Variants in PADI3 observed in about 807,000 individuals in gnomAD.
PADI3 encodes the protein peptidyl arginine deiminase 3, also known as protein-arginine deiminase type-3.
In PADI3, 53 loss-of-function variants were observed where a neutral mutation model predicts 71.5. The observed-to-expected ratio is 0.74, with a 90% CI of 0.59 to 0.93. The LOEUF is 0.93. Ranked by LOEUF, PADI3 falls within the 40% of genes least tolerant of loss-of-function variation. The pLI is 0.00. For synonymous variants in PADI3, 361 were observed against 347.5 expected (o/e 1.04, Z -0.43); for missense variants, 821 against 868.0 (o/e 0.95, Z 0.68).
In PADI3 at chr1:17,282,922, TGGA is replaced by T. The variant is rs767320247; in HGVS notation, c.1843_1845del (p.Glu615del). The T allele has an allele frequency of 1.4e-5, 22 of 1,614,006 alleles. No individual in the cohort carries two copies. The highest frequency in any genetic ancestry group is 6.7e-5 in the Admixed American group (4 of 59,998). On this transcript the variant is annotated inframe_deletion, in exon 16 of 16. Coordinates refer to ENST00000375460, the MANE Select transcript of PADI3 (RefSeq NM_016233.2). The stretch of plus-strand genomic sequence containing the variant: ...CCCATCATCAATGGCTGCTGCTGCC[TGGA>T]GGAGAAGGTGCGGTCCCTGCTGGAG...
Position 17,274,660 on chromosome 1 carries a change from G to C in PADI3, c.1181G>C (p.Arg394Pro), listed in dbSNP as rs143899778. 6.2e-7 allele frequency: 1 copy of C among 1,612,820 alleles called. No individual in the cohort carries two copies. The highest frequency in any genetic ancestry group is 8.5e-7 in the Non-Finnish European group (1 of 1,179,390). Reference protein sequence around the residue: ...ILGPDFGYVTREPRDRSVSGL... With the variant: ...ILGPDFGYVTPEPRDRSVSGL... ...GGTCCAGATTTTGGTTACGTGACTC[G>C]GGAACCACGCGACAGGTCTGTGAGT... is the stretch of plus-strand genomic sequence containing the variant. The change falls in exon 11 of 16, where the codon CGG becomes CCG. Residue 394 changes from arginine (R) to proline (P), a missense_variant. Coordinates refer to ENST00000375460, the MANE Select transcript of PADI3 (RefSeq NM_016233.2).
At position 17,271,140 on chromosome 1, in the gene PADI3, T is replaced by A. The variant is rs1452441153; in HGVS notation, c.1009T>A (p.Cys337Ser). ...ARKAGCKLTICPQAENRNDRW... is the reference protein window; with the variant it reads ...ARKAGCKLTISPQAENRNDRW... ...GAAGGCCGGCTGCAAGCTGACCATC[T>A]GCCCACAGGCCGAGAACCGCAACGA... Residue 337 changes from cysteine to serine, a missense_variant, in exon 9 of 16, where the codon TGC (cysteine) becomes AGC (serine). By Grantham distance (112) the Cys-to-Ser change is moderately radical (BLOSUM62 -1). Coordinates refer to ENST00000375460, the MANE Select transcript of PADI3 (RefSeq NM_016233.2). The A allele has an allele frequency of 6.2e-7, 1 of 1,613,626 alleles. No homozygotes were observed. Among genetic ancestry groups the A allele is most frequent in the African/African-American group, 1.3e-5 (1 of 74,940 alleles).
chr1:17,280,663 G>A lies in PADI3; in HGVS notation c.1636-8G>A. 2 of 1,614,092 alleles carry A rather than the reference G, an allele frequency of 1.2e-6. No homozygotes were observed. Among genetic ancestry groups the A allele is most frequent in the Non-Finnish European group, 1.7e-6 (2 of 1,179,996 alleles). ...GTGTCCCCAACTCTGGCCCTCCCCTGCCCCCAGAGCTGCATCGACTGGAAC... is the reference window on the plus strand; with the variant it reads ...GTGTCCCCAACTCTGGCCCTCCCCTACCCCCAGAGCTGCATCGACTGGAAC... On this transcript the variant is annotated splice_polypyrimidine_tract_variant and splice_region_variant and intron_variant, in intron 14 of 15. Transcript: ENST00000375460.
intron 13 of PADI3, among the ~76,000 whole-genome samples, chr1:17,278,845 CA>C (rs1295855098): frequency 6.6e-6 from 1 of 152,122 alleles, no homozygotes; most frequent in African/African-American, 2.4e-5. Flanking sequence ...TAGACGCCCC[CA>C]AGTATAATAA....
intron 1 of PADI3, 114 bp downstream of exon 1, chr1:17,249,343 G>A: frequency 1.2e-6 from 1 of 825,170 alleles, no homozygotes; most frequent in Non-Finnish European, 2.1e-6. Flanking sequence ...CTTGGCCTCG[G>A]AACAGCAGCC....
At chr1:17,278,451 A>G (rs2073361701) in intron 13 of PADI3, among the ~76,000 whole-genome samples, 1 of 151,540 alleles carries the variant, frequency 6.6e-6, no homozygotes, top group East Asian at 1.9e-4. Flanking sequence ...CTGGTCTTGA[A>G]CTCCTGAGCT....
chr1:17,269,935 T>C (rs545946133), intron 6 of PADI3, among the ~76,000 whole-genome samples: 2 of 152,140 alleles, frequency 1.3e-5, no homozygotes, highest in African/African-American at 2.4e-5. Context: ...TGTATTTTTG[T>C]AGGAAAGATA....
intron 15 of PADI3, 71 bp downstream of exon 15, chr1:17,280,867 T>G: frequency 6.4e-7 from 1 of 1,569,814 alleles, no homozygotes; most frequent in Non-Finnish European, 8.7e-7. Context: ...AGGAAAAATG[T>G]CTGGTCACAG....
At chr1:17,277,834 C>T (rs1352017037) in intron 13 of PADI3, 1 of 154,546 alleles carries the variant, frequency 6.5e-6, no homozygotes, top group African/African-American at 2.4e-5. Flanking sequence ...AGTGTCTCAC[C>T]CAGGCTTGCT....
chr1:17,269,027 A>G (rs1252159322), intron 6 of PADI3, among the ~76,000 whole-genome samples: 1 of 151,544 alleles, frequency 6.6e-6, no homozygotes, highest in African/African-American at 2.4e-5. Flanking sequence ...CTGGGACTAC[A>G]GGCATGTACC....
intron 1 of PADI3, 96 bp downstream of exon 1, chr1:17,249,325 TCC>T: frequency 1.0e-6 from 1 of 1,001,418 alleles, no homozygotes; most frequent in Non-Finnish European, 1.6e-6. Context: ...CAGGGCCCAC[TCC>T]CCAGCCTTGG....
In PADI3 at chr1:17,274,620, G is replaced by T; in HGVS notation, c.1156-15G>T. Reference sequence around the variant, plus strand: ...GGTACCCTCCACCCCCGCCTGACTTGGTTTCCCTCTCCAGGGTCCAGATTT... The same window carrying T: ...GGTACCCTCCACCCCCGCCTGACTTTGTTTCCCTCTCCAGGGTCCAGATTT... On this transcript the variant is annotated splice_polypyrimidine_tract_variant and intron_variant, in intron 10 of 15. Coordinates refer to ENST00000375460, the MANE Select transcript of PADI3 (RefSeq NM_016233.2). 2 of 1,603,728 alleles carry T rather than the reference G, an allele frequency of 1.2e-6. No homozygotes were observed. The highest frequency in any genetic ancestry group is 2.2e-5 in the East Asian group (1 of 44,464).
intron 9 of PADI3, 47 bp from the exon 10 acceptor site, chr1:17,273,293 C>T (rs1454447685): frequency 2.1e-6 from 3 of 1,446,682 alleles, no homozygotes; most frequent in Non-Finnish European, 2.9e-6. Flanking sequence ...GCAGGGGCAG[C>T]TGTTGACTGT....
intron 6 of PADI3, 77 bp downstream of exon 6, chr1:17,268,039 T>G: frequency 6.4e-7 from 1 of 1,556,996 alleles, no homozygotes. Flanking sequence ...TGTTCCTGCC[T>G]TGGGCCATGG....
intron 13 of PADI3, chr1:17,277,847 G>A (rs1220620966): frequency 6.5e-6 from 1 of 154,550 alleles, no homozygotes; most frequent in East Asian, 1.9e-4. Context: ...GGCTTGCTCA[G>A]GTACCCAGCA....
At position 17,275,241 on chromosome 1, in the gene PADI3, C is replaced by T. The variant is rs1308022639; in HGVS notation, c.1307+455C>T. 4.0e-5 allele frequency among the ~76,000 whole-genome samples: 6 copies of T among 151,160 alleles called. No homozygotes were observed. The East Asian group carries it at 1.2e-3, about 29-fold the overall frequency. On this transcript the variant is annotated intron_variant, in intron 11 of 15. Coordinates refer to ENST00000375460, the MANE Select transcript of PADI3 (RefSeq NM_016233.2). ...ATGAGATCAGGAGATCGAGACCATC[C>T]TGGCTAACATGGTGAAACTCCGTCT...
rs148352617 is a variant in PADI3 at position 17,270,323 on chromosome 1, G to A, written c.743G>A (p.Arg248His). 297 of 1,613,918 alleles carry A rather than the reference G, an allele frequency of 1.8e-4. No individual in the cohort carries two copies. The Middle Eastern group carries it at 3.0e-3, about 16-fold the overall frequency. Residue 248 changes from arginine (R) to histidine (H), a missense_variant, in exon 7 of 16, where the codon CGC becomes CAC. Coordinates refer to ENST00000375460, the MANE Select transcript of PADI3 (RefSeq NM_016233.2). ...EVPRLHGDEE[R>H]FFVEGLSFPD... ...CCCCGCTTGCATGGGGATGAGGAGC[G>A]CTTCTTCGTGGAAGGCCTGTCCTTC...
Position 17,276,666 on chromosome 1 carries a change from A to T in PADI3, c.1452+3A>T. ...TTGTCCCTGCCCCCGATGGGAAGGTAAGAACTTCGTGCATGACGTGTCTTT... is the reference window on the plus strand; with the variant it reads ...TTGTCCCTGCCCCCGATGGGAAGGTTAGAACTTCGTGCATGACGTGTCTTT... On this transcript the variant is annotated splice_donor_region_variant and intron_variant, in intron 12 of 15. Transcript: ENST00000375460. 6.2e-7 allele frequency: 1 copy of T among 1,614,046 alleles called. No individual in the cohort carries two copies. The highest frequency in any genetic ancestry group is 8.5e-7 in the Non-Finnish European group (1 of 1,179,988).
In PADI3 at chr1:17,270,255, C is replaced by A; in HGVS notation, c.675C>A (p.Ala225=). 7 of 1,613,380 alleles carry A rather than the reference C, an allele frequency of 4.3e-6. No individual in the cohort carries two copies. The highest frequency in any genetic ancestry group is 5.9e-6 in the Non-Finnish European group (7 of 1,179,584). ...CAGGTCCTGAGGATGTGTGTGAGGC[C>A]TATAGGCATGTGCTGGGCCAAGATA... ...HICGPEDVCE[A]YRHVLGQDKV... is the part of the protein sequence containing the mutation. Residue 225 remains alanine (A), a synonymous_variant, in exon 7 of 16, where the codon GCC becomes GCA. Transcript: ENST00000375460.
Sources: gnomAD v4.1 joint callset for allele counts (sites outside exome capture counted in the v4.1 genomes callset) on GRCh38, gnomAD v4.1.1 for gene constraint, MANE v1.5 for transcripts, NCBI Gene and HGNC (gene_info 2026-07-23, HGNC 2026-07-21) for gene names.